P4HA3: variants seen among roughly 807,000 people sequenced by gnomAD.
P4HA3 encodes prolyl 4-hydroxylase subunit alpha 3.
Under a neutral mutation model 66.7 loss-of-function variants are expected in P4HA3, and 60 were observed. The ratio of observed to expected loss-of-function variants is 0.90; its 90% confidence interval spans 0.73 to 1.12. The LOEUF is 1.12. Among genes scored for constraint, P4HA3 ranks in the 50% most tolerant of loss-of-function variants. P4HA3 has a pLI of 0.00. For missense variants in P4HA3, 683 were observed against 685.8 expected (o/e 1.00, Z 0.05); for synonymous variants, 263 against 274.6 (o/e 0.96, Z 0.42).
chr11:74,259,177 TAGTG>T (rs1859870726), intron 15 of P4HA3, among the ~76,000 whole-genome samples: 2 of 152,120 alleles, frequency 1.3e-5, no homozygotes, highest in Admixed American at 6.5e-5. Flanking sequence ...GGTGGGCAGA[TAGTG>T]AGGCTTGGCC....
chr11:74,278,109 T>C (rs750591908), intron 8 of P4HA3, among the ~76,000 whole-genome samples: 6 of 152,284 alleles, frequency 3.9e-5, no homozygotes, highest in Middle Eastern at 3.4e-3. Context: ...AAACAGACTT[T>C]AAAGTGCTGG....
intron 9 of P4HA3, among the ~76,000 whole-genome samples, chr11:74,274,307 T>G (rs1011027367): frequency 2.0e-5 from 3 of 151,152 alleles, no homozygotes; most frequent in South Asian, 2.1e-4. Context: ...TTTTTTTGTT[T>G]TTTTTTTTTT....
At position 74,285,906 on chromosome 11, in the gene P4HA3, C is replaced by T. The variant is rs775379703; in HGVS notation, c.1013G>A (p.Arg338Gln). 1.4e-5 allele frequency: 22 copies of T among 1,612,650 alleles called. No homozygotes were observed. Among genetic ancestry groups the T allele is most frequent in the Non-Finnish European group, 1.8e-5 (21 of 1,178,854 alleles). Residue 338 changes from arginine to glutamine, a missense_variant, in exon 7 of 13, where the codon CGG becomes CAG. Coordinates refer to ENST00000331597, the MANE Select transcript of P4HA3 (RefSeq NM_182904.5). The stretch of plus-strand genomic sequence containing the variant: ...GGGCTCCAGGTGGATGACCTCCTTC[C>T]GGATGGGCTGGAGCAGCAGGTAGGC... ...SNAYLLLQPIRKEVIHLEPYI... is the reference protein window; with the variant it reads ...SNAYLLLQPIQKEVIHLEPYI...
In P4HA3 at chr11:74,286,402, T is replaced by C. The variant is rs367964432; in HGVS notation, c.770-11A>G. 3 of 1,526,196 alleles carry C rather than the reference T, an allele frequency of 2.0e-6. No individual in the cohort carries two copies. The highest frequency in any genetic ancestry group is 1.8e-6 in the Non-Finnish European group (2 of 1,138,254). The allele number at this position is 1,526,196 out of a possible 1,614,324, so 94.5% of individuals were successfully genotyped here. On this transcript the variant is annotated splice_polypyrimidine_tract_variant and intron_variant, in intron 5 of 12. Coordinates refer to ENST00000331597, the MANE Select transcript of P4HA3 (RefSeq NM_182904.5). The stretch of plus-strand genomic sequence containing the variant: ...TCTTATTATCTGGGCCTGGAAGAAA[T>C]CAGAGCAGGGAATATAAAATAGGGA...
intron 15 of P4HA3, among the ~76,000 whole-genome samples, chr11:74,256,803 G>T (rs1266977068): frequency 6.6e-6 from 1 of 152,214 alleles, no homozygotes; most frequent in African/African-American, 2.4e-5. Flanking sequence ...CATTTTGGAG[G>T]CAGATGTAGA....
At chr11:74,289,033 C>G (rs775918594) in intron 5 of P4HA3, 46 bp downstream of exon 5, 5 of 1,394,986 alleles carry the variant, frequency 3.6e-6, no homozygotes, top group Non-Finnish European at 4.8e-6. Context: ...AGGGAGTTCC[C>G]CGTAAATCAG....
At chr11:74,263,354 G>A (rs891888224), downstream of P4HA3, among the ~76,000 whole-genome samples, 2 of 152,212 alleles carry the variant, frequency 1.3e-5, no homozygotes, top group Non-Finnish European at 2.9e-5. Context: ...ACAAGGGATA[G>A]ACCTTTTCAA....
intron 8 of P4HA3, among the ~76,000 whole-genome samples, chr11:74,277,749 C>CTGAA (rs1860451371): frequency 6.6e-6 from 1 of 152,200 alleles, no homozygotes; most frequent in Non-Finnish European, 1.5e-5. Context: ...GTCTCTTTTC[C>CTGAA]TGAATGTCTT....
intron 3 of P4HA3, among the ~76,000 whole-genome samples, chr11:74,301,707 G>A (rs1326950961): frequency 1.3e-5 from 2 of 152,156 alleles, no homozygotes; most frequent in Non-Finnish European, 2.9e-5. Context: ...ATGATCTCAC[G>A]TGTGATTACA....
In P4HA3 at chr11:74,302,349, C is replaced by T; in HGVS notation, c.567+20G>A. 1 of 1,588,546 alleles carries T rather than the reference C, an allele frequency of 6.3e-7. No individual in the cohort carries two copies. The highest frequency in any genetic ancestry group is 8.6e-7 in the Non-Finnish European group (1 of 1,163,680). On this transcript the variant is annotated intron_variant, in intron 3 of 12. Transcript: ENST00000331597. ...AAGAAACCAGAGCCAAGCAATTGGC[C>T]CTCTCTTGAATATTGTTACCTTGCC...
At chr11:74,292,368 C>G (rs1861060748) in intron 4 of P4HA3, among the ~76,000 whole-genome samples, 1 of 152,098 alleles carries the variant, frequency 6.6e-6, no homozygotes, top group Admixed American at 6.5e-5. Flanking sequence ...AGCGGTCTAT[C>G]AATTTTGTTG....
At position 74,304,265 on chromosome 11, in the gene P4HA3, A is replaced by C. The variant is rs1244311109; in HGVS notation, c.343+5T>G. On this transcript the variant is annotated splice_donor_5th_base_variant and intron_variant, in intron 2 of 12. Coordinates refer to ENST00000331597, the MANE Select transcript of P4HA3 (RefSeq NM_182904.5). The stretch of plus-strand genomic sequence containing the variant: ...CTCTTACCCTCCAGCCCTCCTCCTC[A>C]TTACCTCGGATGTTCTCACTGGCCT... The C allele has an allele frequency of 6.2e-7, 1 of 1,613,218 alleles. No individual in the cohort carries two copies. The highest frequency in any genetic ancestry group is 2.2e-5 in the East Asian group (1 of 44,866).
At chr11:74,279,358 C>T (rs750446534) in intron 8 of P4HA3, 30 bp downstream of exon 8, 1 of 1,605,946 alleles carries the variant, frequency 6.2e-7, no homozygotes, top group Non-Finnish European at 8.5e-7. Flanking sequence ...GGGTGGGCAG[C>T]AGGTATGACC....
chr11:74,253,822 C>T, intron 15 of P4HA3: 2 of 511,894 alleles, frequency 3.9e-6, no homozygotes, highest in Admixed American at 3.5e-5. Context: ...CCATACTGAG[C>T]CCCTCTTCCT....
At chr11:74,251,284 C>T in intron 15 of P4HA3, 2 of 1,360,602 alleles carry the variant, frequency 1.5e-6, no homozygotes, top group Non-Finnish European at 9.4e-7. Flanking sequence ...TTCTCCAATA[C>T]CCCCAAAAGC....
chr11:74,275,704 C>T (rs1258062463), intron 9 of P4HA3, among the ~76,000 whole-genome samples: 1 of 152,114 alleles, frequency 6.6e-6, no homozygotes, highest in African/African-American at 2.4e-5. Flanking sequence ...CTAATTTCTA[C>T]AAAAATAAAC....
chr11:74,260,409 G>C lies in P4HA3; in HGVS notation c.*1105-273C>G, dbSNP rs990619093. Among the ~76,000 whole-genome samples the C allele has an allele frequency of 1.3e-5, 2 of 152,178 alleles. 1 individual carries two copies. The highest frequency in any genetic ancestry group is 4.1e-4 in the South Asian group (2 of 4,828). On this transcript the variant is annotated intron_variant and NMD_transcript_variant, in intron 14 of 15. Coordinates refer to the P4HA3 transcript ENST00000524388. ...CTGTTCCCCTTTTTGTTGCAAGAGAGTAAAAAACAGAGATTCTAGAACCCC... is the reference window on the plus strand; with the variant it reads ...CTGTTCCCCTTTTTGTTGCAAGAGACTAAAAAACAGAGATTCTAGAACCCC...
intron 9 of P4HA3, among the ~76,000 whole-genome samples, chr11:74,276,459 G>A (rs1342589451): frequency 6.6e-6 from 1 of 151,932 alleles, no homozygotes; most frequent in Non-Finnish European, 1.5e-5. Context: ...AGGCTGAGAT[G>A]GGGGGATCAC....
At chr11:74,298,805 G>A (rs188232826) in intron 3 of P4HA3, among the ~76,000 whole-genome samples, 38 of 152,266 alleles carry the variant, frequency 2.5e-4, no homozygotes, top group Non-Finnish European at 5.3e-4. Flanking sequence ...ATGAGGGAAT[G>A]GCAGCAACAG....
Sources: gnomAD v4.1 joint callset for allele counts (sites outside exome capture counted in the v4.1 genomes callset) on GRCh38, gnomAD v4.1.1 for gene constraint, MANE v1.5 for transcripts, NCBI Gene and HGNC (gene_info 2026-07-23, HGNC 2026-07-21) for gene names.